Variants in DNAI4 observed in about 807,000 individuals in gnomAD.
The protein encoded by DNAI4 is dynein axonemal intermediate chain 4.
DNAI4 carries 85 observed loss-of-function variants against 105.8 expected under a neutral mutation model. That is an observed-to-expected ratio of 0.80 (90% CI 0.67 to 0.96). The LOEUF (loss-of-function observed/expected upper bound fraction) is 0.96, where lower values mean the gene tolerates loss of function less well. Ranked by LOEUF, DNAI4 falls within the 40% of genes least tolerant of loss-of-function variation. The probability of loss-of-function intolerance (pLI) is 0.00; values close to 1 mark genes in which losing one functional copy is unlikely to be tolerated. For synonymous variants in DNAI4, 352 were observed against 331.5 expected, an observed-to-expected ratio of 1.06 and a Z score of -0.67; for missense variants, 1,014 against 1,005.6, an observed-to-expected ratio of 1.01 and a Z score of -0.11.
At chr1:66,821,779 T>G (rs989289778) in intron 16 of DNAI4, among the ~76,000 whole-genome samples, 2 of 152,126 alleles carry the variant, frequency 1.3e-5, no homozygotes, top group African/African-American at 4.8e-5. Context: ...TTTACCAGAT[T>G]ATTGTTTATA....
intron 15 of DNAI4, among the ~76,000 whole-genome samples, chr1:66,826,214 A>G (rs2100364084): frequency 6.6e-6 from 1 of 152,318 alleles, no homozygotes; most frequent in South Asian, 2.1e-4. Flanking sequence ...TCTCTAAACC[A>G]GGCAATGAAT....
In DNAI4 at chr1:66,854,358, T is replaced by G. The variant is rs555323750; in HGVS notation, c.1097-6680A>C. ...GTGAGCCATGATTGTGCTGCTGCAT[T>G]CCAGCCTGAGTGACACACCAAGACC... is the stretch of plus-strand genomic sequence containing the variant. On this transcript the variant is annotated intron_variant, in intron 7 of 16. Transcript: ENST00000371026. Among the ~76,000 whole-genome samples, 3 of 152,224 alleles carry G rather than the reference T, an allele frequency of 2.0e-5. No homozygotes were observed. The East Asian group carries it at 5.8e-4, about 29-fold the overall frequency.
At chr1:66,907,586 C>A (rs1649356748) in intron 1 of DNAI4, among the ~76,000 whole-genome samples, 1 of 152,136 alleles carries the variant, frequency 6.6e-6, no homozygotes, top group Non-Finnish European at 1.5e-5. Flanking sequence ...TTTCAATGAC[C>A]ACAAGTACTC....
chr1:66,864,631 C>T (rs1646693815), intron 6 of DNAI4, among the ~76,000 whole-genome samples: 1 of 152,108 alleles, frequency 6.6e-6, no homozygotes, highest in Non-Finnish European at 1.5e-5. Flanking sequence ...GCGGGCAGAT[C>T]ACGAGGTCAA....
At chr1:66,922,853 GTGT>G (rs1328583287) in intron 1 of DNAI4, among the ~76,000 whole-genome samples, 9 of 152,128 alleles carry the variant, frequency 5.9e-5, no homozygotes, top group Admixed American at 2.0e-4. Flanking sequence ...ATAAGTGCAG[GTGT>G]TTTTTCTTAA....
At position 66,834,167 on chromosome 1, in the gene DNAI4, T is replaced by C. The variant is rs372912482; in HGVS notation, c.1734-19A>G. On this transcript the variant is annotated intron_variant, in intron 11 of 16. Transcript: ENST00000371026. ...TGATTCACTAAAACAGTAAAAAAAA[T>C]ACTAAACATATAATCATTATAATAA... 3.8e-6 allele frequency: 6 copies of C among 1,566,004 alleles called. No individual in the cohort carries two copies. The African/African-American group carries it at 8.4e-5, about 22-fold the overall frequency.
chr1:66,864,675 C>A (rs527753799), intron 6 of DNAI4, among the ~76,000 whole-genome samples: 81 of 152,108 alleles, frequency 5.3e-4, no homozygotes, highest in African/African-American at 1.9e-3. Context: ...CATGGTGAAA[C>A]CCTGTCTCTA....
intron 4 of DNAI4, among the ~76,000 whole-genome samples, chr1:66,879,411 T>C (rs1288704946): frequency 6.6e-6 from 1 of 152,238 alleles, no homozygotes; most frequent in Non-Finnish European, 1.5e-5. Context: ...GACATGCTAT[T>C]GTTTATTTAT....
At chr1:66,908,450 C>T (rs1229190290) in intron 1 of DNAI4, among the ~76,000 whole-genome samples, 3 of 152,194 alleles carry the variant, frequency 2.0e-5, no homozygotes, top group Non-Finnish European at 4.4e-5. Flanking sequence ...AGAGGGGCAG[C>T]TCCTGTGCCC....
intron 4 of DNAI4, among the ~76,000 whole-genome samples, chr1:66,881,360 A>T (rs1031727204): frequency 6.6e-6 from 1 of 152,244 alleles, no homozygotes; most frequent in African/African-American, 2.4e-5. Flanking sequence ...CAACCCATGA[A>T]AGCAGCCAGG....
intron 7 of DNAI4, among the ~76,000 whole-genome samples, chr1:66,857,295 T>C (rs1328653987): frequency 1.6e-5 from 2 of 127,128 alleles, no homozygotes; most frequent in Non-Finnish European, 3.1e-5. Flanking sequence ...ATGAAAACAC[T>C]TGGACACAGG....
intron 10 of DNAI4, among the ~76,000 whole-genome samples, chr1:66,837,379 A>C (rs1042857839): frequency 4.4e-4 from 67 of 151,810 alleles, no homozygotes; most frequent in Non-Finnish European, 6.9e-4. Flanking sequence ...AAAAAAAAAA[A>C]AAAAACATAA....
chr1:66,905,361 T>C lies in DNAI4; in HGVS notation c.185A>G (p.Gln62Arg). Reference sequence around the variant, plus strand: ...AAAAAAGCTAATAGACTTCTTTGGTTGTGTGGCATTGTTCCTATATAAGAA... The same window carrying C: ...AAAAAAGCTAATAGACTTCTTTGGTCGTGTGGCATTGTTCCTATATAAGAA... ...QQNFGLNNAT[Q>R]PKKSISFFAT... is the part of the protein sequence containing the mutation. Residue 62 changes from glutamine (Q) to arginine (R), a missense_variant, in exon 2 of 17, where the codon CAA becomes CGA. By Grantham distance (43) the Gln-to-Arg change is conservative. Transcript: ENST00000371026. The C allele has an allele frequency of 6.8e-7, 1 of 1,471,778 alleles. No individual in the cohort carries two copies. Among genetic ancestry groups the C allele is most frequent in the Non-Finnish European group, 9.1e-7 (1 of 1,095,076 alleles). 91.2% of individuals were successfully genotyped at this position (1,471,778 alleles called of 1,614,324 possible).
Position 66,840,595 on chromosome 1 carries a change from C to T in DNAI4, c.1368G>A (p.Glu456=), listed in dbSNP as rs1261591411. The change falls in exon 9 of 17, where the codon GAG becomes GAA. Residue 456 remains glutamate (E), a synonymous_variant. Coordinates refer to ENST00000371026, the MANE Select transcript of DNAI4 (RefSeq NM_024763.5). ...CTTCTGCATGTATTTCTTCTTCCTC[C>T]TCCTTCTTAGATTCTTCCTCTACCT... The part of the protein sequence containing the change: ...HEEVEEESKK[E]EEEEIHAEES... 1 of 1,614,188 alleles carries T rather than the reference C, an allele frequency of 6.2e-7. No individual in the cohort carries two copies. Among genetic ancestry groups the T allele is most frequent in the Admixed American group, 1.7e-5 (1 of 60,026 alleles).
At chr1:66,820,651 A>G (rs1645606416) in intron 16 of DNAI4, among the ~76,000 whole-genome samples, 1 of 152,152 alleles carries the variant, frequency 6.6e-6, no homozygotes, top group Admixed American at 6.5e-5. Flanking sequence ...ATGAAAGAGT[A>G]TTGAATAGGG....
intron 9 of DNAI4, among the ~76,000 whole-genome samples, chr1:66,838,666 C>T (rs1467443315): frequency 6.6e-6 from 1 of 152,164 alleles, no homozygotes; most frequent in Non-Finnish European, 1.5e-5. Flanking sequence ...TTCTTATCAC[C>T]ACCTTACTTT....
chr1:66,869,117 A>G (rs930137450), intron 6 of DNAI4, among the ~76,000 whole-genome samples: 88 of 128,486 alleles, frequency 6.8e-4, no homozygotes, highest in African/African-American at 2.7e-3. Flanking sequence ...CTAGATATGA[A>G]TATATATATA....
intron 13 of DNAI4, among the ~76,000 whole-genome samples, chr1:66,832,921 T>C (rs1171829439): frequency 6.6e-6 from 1 of 152,142 alleles, no homozygotes; most frequent in Non-Finnish European, 1.5e-5. Flanking sequence ...GTCTTTCTAA[T>C]CCCCAAATCC....
At chr1:66,814,290 T>A in intron 16 of DNAI4, 110 bp from the exon 17 acceptor site, 1 of 744,424 alleles carries the variant, frequency 1.3e-6, no homozygotes, top group Non-Finnish European at 2.2e-6. Flanking sequence ...ACATATCCAA[T>A]AAGATTGTAA....
Sources: allele counts gnomAD v4.1 joint callset (sites outside exome capture counted in the v4.1 genomes callset), GRCh38; gene constraint gnomAD v4.1.1; transcripts MANE v1.5; gene names NCBI Gene and HGNC (gene_info 2026-07-23, HGNC 2026-07-21).